The following TBL1Y variants were observed in gnomAD, a reference collection of about 807,000 sequenced individuals.
The protein encoded by TBL1Y is F-box-like/WD repeat-containing protein TBL1Y.
A neutral mutation model predicts 12.0 loss-of-function variants in TBL1Y; 15 were observed. That is an observed-to-expected ratio of 1.25 (90% CI 0.83 to 1.92). TBL1Y has a LOEUF of 1.92. TBL1Y is among the 40% of genes most tolerant of loss of function. The probability of loss-of-function intolerance (pLI) is 0.00; values close to 1 mark genes in which losing one functional copy is unlikely to be tolerated. For missense variants in TBL1Y, 148 were observed against 116.7 expected, an observed-to-expected ratio of 1.27 and a Z score of -1.24; for synonymous variants, 53 against 42.6, an observed-to-expected ratio of 1.24 and a Z score of -0.95.
intron 6 of TBL1Y, among the ~76,000 whole-genome samples, chrY:7,025,987 C>G: frequency 3.0e-5 from 1 of 33,540 alleles, no homozygotes; most frequent in Admixed American, 2.7e-4. Flanking sequence ...TCTGTGGTCC[C>G]TTGGGCATGG....
At chrY:7,015,536 C>T (rs887373742) in intron 4 of TBL1Y, among the ~76,000 whole-genome samples, 1 of 33,462 alleles carries the variant, frequency 3.0e-5, no homozygotes, top group African/African-American at 1.2e-4. Flanking sequence ...GCTCCCAGCA[C>T]TCAGAAGACA....
intron 7 of TBL1Y, among the ~76,000 whole-genome samples, chrY:7,062,915 G>A (rs2012891625): frequency 8.8e-5 from 3 of 34,028 alleles, no homozygotes; most frequent in African/African-American, 3.4e-4. Flanking sequence ...CGACCACCAA[G>A]GAAATACTTT....
chrY:7,028,098 T>G, intron 6 of TBL1Y, among the ~76,000 whole-genome samples: 1 of 33,745 alleles, frequency 3.0e-5, no homozygotes, highest in Non-Finnish European at 7.4e-5. Context: ...GAAGATCTGC[T>G]CAGAATCCTC....
At chrY:7,049,853 C>A (rs967872795) in intron 7 of TBL1Y, among the ~76,000 whole-genome samples, 1 of 33,466 alleles carries the variant, frequency 3.0e-5, no homozygotes, top group African/African-American at 1.2e-4. Flanking sequence ...ATGCAGAAGC[C>A]CTTTAGTTTA....
chrY:7,085,856 G>A, intron 14 of TBL1Y, 42 bp from the exon 15 acceptor site: 1 of 378,660 alleles, frequency 2.6e-6, no homozygotes, highest in South Asian at 3.1e-5. Context: ...TCTACTCACA[G>A]GTCCTGATAT....
chrY:7,055,531 G>T, intron 7 of TBL1Y, among the ~76,000 whole-genome samples: 1 of 33,372 alleles, frequency 3.0e-5, no homozygotes, highest in African/African-American at 1.2e-4. Context: ...TGGGAGGATC[G>T]CTTCAGGCCA....
chrY:7,088,830 A>T, intron 17 of TBL1Y, among the ~76,000 whole-genome samples: 1 of 33,110 alleles, frequency 3.0e-5, no homozygotes, highest in Non-Finnish European at 7.4e-5. Flanking sequence ...GTTGGTGTGC[A>T]CCTGTCTTAG....
intron 7 of TBL1Y, among the ~76,000 whole-genome samples, chrY:7,055,883 C>T: frequency 3.0e-5 from 1 of 33,370 alleles, no homozygotes; most frequent in Admixed American, 2.7e-4. Flanking sequence ...AATCAGAAAT[C>T]TTCTGGGATG....
intron 3 of TBL1Y, among the ~76,000 whole-genome samples, chrY:6,985,880 T>G: frequency 3.0e-5 from 1 of 33,149 alleles, no homozygotes; most frequent in African/African-American, 1.2e-4. Context: ...ATTTCTCTTC[T>G]GAGCAAAGCT....
chrY:7,056,154 C>T, intron 7 of TBL1Y, among the ~76,000 whole-genome samples: 3 of 33,523 alleles, frequency 8.9e-5, no homozygotes, highest in Admixed American at 2.7e-4. Flanking sequence ...AAACAAAAAA[C>T]AAAAAACGTG....
rs915071332 is a variant in TBL1Y, at chrY:7,014,273, G to C, written c.-139-7176G>C. On this transcript the variant is annotated intron_variant, in intron 4 of 18. Transcript: ENST00000383032. The stretch of plus-strand genomic sequence containing the variant: ...AGATTTGGTCGTTTAAAAGTGTGTA[G>C]CACTTTTCTTCCTCTCTCTTTCCCT... Among the ~76,000 whole-genome samples, 30 of 32,038 alleles carry C rather than the reference G, an allele frequency of 9.4e-4. No homozygotes were observed. In the East Asian group the frequency reaches 0.013, roughly 13 times the overall value. 86.0% of individuals were successfully genotyped at this position (32,038 alleles called of 37,273 possible).
intron 4 of TBL1Y, among the ~76,000 whole-genome samples, chrY:7,010,727 G>A: frequency 3.0e-5 from 1 of 32,881 alleles, no homozygotes; most frequent in African/African-American, 1.2e-4. Context: ...TTGAGGTCAG[G>A]AATTCAAGAC....
chrY:6,992,849 C>G, intron 3 of TBL1Y, among the ~76,000 whole-genome samples: 1 of 34,174 alleles, frequency 2.9e-5, no homozygotes, highest in Non-Finnish European at 7.3e-5. Context: ...CGCAGATGGG[C>G]AGGAAGGAAT....
chrY:6,932,951 G>T (rs2011875946), intron 2 of TBL1Y, among the ~76,000 whole-genome samples: 3 of 32,040 alleles, frequency 9.4e-5, no homozygotes, highest in Admixed American at 8.6e-4. Flanking sequence ...CTTCCAGGTG[G>T]AATGCATGGT....
intron 6 of TBL1Y, among the ~76,000 whole-genome samples, chrY:7,038,892 A>G (rs1350468748): frequency 3.0e-5 from 1 of 33,722 alleles, no homozygotes. Context: ...TGTCACTAAC[A>G]TTCTCATCTT....
chrY:6,966,146 C>T, intron 2 of TBL1Y, among the ~76,000 whole-genome samples: 1 of 31,112 alleles, frequency 3.2e-5, no homozygotes, highest in Non-Finnish European at 7.8e-5. Flanking sequence ...TTTCAGCTCA[C>T]AGCAAATCAA....
At chrY:6,971,879 A>C in intron 2 of TBL1Y, among the ~76,000 whole-genome samples, 1 of 33,826 alleles carries the variant, frequency 3.0e-5, no homozygotes, top group Non-Finnish European at 7.3e-5. Context: ...AAAGCACTGG[A>C]ATTACAGGTG....
intron 12 of TBL1Y, among the ~76,000 whole-genome samples, chrY:7,073,078 A>G: frequency 2.9e-5 from 1 of 34,170 alleles, no homozygotes; most frequent in African/African-American, 1.1e-4. Context: ...TTTCGGGATA[A>G]CTTGAAAACC....
intron 8 of TBL1Y, among the ~76,000 whole-genome samples, chrY:7,068,755 T>G: frequency 3.6e-5 from 1 of 27,948 alleles, no homozygotes; most frequent in Non-Finnish European, 8.2e-5. Flanking sequence ...GAAGGCTGCA[T>G]TTTGGTAAGA....
Sources: gnomAD v4.1 joint callset for allele counts (sites outside exome capture counted in the v4.1 genomes callset) on GRCh38, gnomAD v4.1.1 for gene constraint, MANE v1.5 for transcripts, NCBI Gene and HGNC (gene_info 2026-07-23, HGNC 2026-07-21) for gene names.